Variants in PSD3 observed in about 807,000 individuals in gnomAD.
The protein encoded by PSD3 is PH and SEC7 domain-containing protein 3.
PSD3 carries 49 observed loss-of-function variants against 105.5 expected under a neutral mutation model. That is an observed-to-expected ratio of 0.46 (90% CI 0.37 to 0.59). The LOEUF is 0.59. Ranked by LOEUF, PSD3 falls within the 20% of genes least tolerant of loss-of-function variation. The pLI, the probability that PSD3 is intolerant of heterozygous loss-of-function variation, is 0.00. For missense variants in PSD3, 1,561 were observed against 1,263.8 expected (o/e 1.24, Z -3.57); for synonymous variants, 557 against 457.8 (o/e 1.22, Z -2.77).
chr8:18,561,016 G>A (rs996945713), intron 14 of PSD3, among the ~76,000 whole-genome samples: 11 of 152,242 alleles, frequency 7.2e-5, no homozygotes, highest in Middle Eastern at 3.4e-3. Flanking sequence ...GGAAAATCTG[G>A]AAAACTGTAA....
chr8:18,819,769 G>C (rs1215663096), intron 4 of PSD3, among the ~76,000 whole-genome samples: 1 of 151,940 alleles, frequency 6.6e-6, no homozygotes, highest in East Asian at 1.9e-4. Context: ...AGTAGAGATG[G>C]GGTTTCACCG....
chr8:18,787,027 T>C (rs1052112678), intron 8 of PSD3, among the ~76,000 whole-genome samples: 10 of 152,224 alleles, frequency 6.6e-5, no homozygotes, highest in African/African-American at 2.4e-4. Flanking sequence ...CTCCTTGTCA[T>C]GTACCAGGCT....
chr8:19,012,389 G>A (rs1382913796), intron 1 of PSD3, among the ~76,000 whole-genome samples: 2 of 152,178 alleles, frequency 1.3e-5, no homozygotes, highest in African/African-American at 4.8e-5. Flanking sequence ...AAACCTCTTG[G>A]TTTGTAAATA....
At chr8:18,740,112 A>G (rs1478867829) in intron 9 of PSD3, among the ~76,000 whole-genome samples, 1 of 152,182 alleles carries the variant, frequency 6.6e-6, no homozygotes, top group African/African-American at 2.4e-5. Context: ...GCTGCTGTCC[A>G]TGGAGCTGCT....
chr8:18,606,152 A>G (rs537790387), intron 11 of PSD3, among the ~76,000 whole-genome samples: 1 of 152,196 alleles, frequency 6.6e-6, no homozygotes, highest in Non-Finnish European at 1.5e-5. Flanking sequence ...TGTAGACATT[A>G]TAACTTTGAA....
chr8:18,805,343 G>A (rs1230365779), intron 4 of PSD3, among the ~76,000 whole-genome samples: 7 of 151,838 alleles, frequency 4.6e-5, no homozygotes, highest in Admixed American at 4.6e-4. Flanking sequence ...TTAACAGCTG[G>A]CTTACTACAA....
intron 9 of PSD3, among the ~76,000 whole-genome samples, chr8:18,687,960 G>T (rs534661723): frequency 2.0e-5 from 3 of 151,996 alleles, no homozygotes; most frequent in Non-Finnish European, 2.9e-5. Context: ...GTAAAGATGG[G>T]GTTTCGCCAT....
In PSD3 at chr8:18,655,671, T is replaced by C. The variant is rs761104410; in HGVS notation, c.2187A>G (p.Ser729=). 2 of 1,613,860 alleles carry C rather than the reference T, an allele frequency of 1.2e-6. No individual in the cohort carries two copies. Among genetic ancestry groups the C allele is most frequent in the Non-Finnish European group, 1.7e-6 (2 of 1,179,792 alleles). ...CCCATTCAAGCTTCTCATTCTTGAT[T>C]GAGTTGTACAGAGCCTGTAAAGAGA... ...SKDLLKALYN[S]IKNEKLEWAV... The change falls in exon 10 of 16, where the codon TCA becomes TCG. Residue 729 remains serine (S), a synonymous_variant. Transcript: ENST00000327040.
At chr8:18,729,577 G>A (rs1243974780) in intron 9 of PSD3, among the ~76,000 whole-genome samples, 3 of 152,156 alleles carry the variant, frequency 2.0e-5, no homozygotes, top group Non-Finnish European at 4.4e-5. Context: ...ACAAAAAAGG[G>A]TACAGTGCAG....
chr8:18,843,025 C>T (rs1032233994), intron 4 of PSD3, among the ~76,000 whole-genome samples: 4 of 152,092 alleles, frequency 2.6e-5, no homozygotes, highest in Non-Finnish European at 5.9e-5. Context: ...CAATATGCCA[C>T]TCAAAAAGGC....
At chr8:18,541,557 C>T (rs189979106) in intron 15 of PSD3, among the ~76,000 whole-genome samples, 6 of 152,250 alleles carry the variant, frequency 3.9e-5, no homozygotes, top group Admixed American at 3.9e-4. Context: ...CACCACATGA[C>T]AAAGGCTTGT....
chr8:18,978,779 C>G (rs1825091519), intron 1 of PSD3, among the ~76,000 whole-genome samples: 2 of 152,182 alleles, frequency 1.3e-5, no homozygotes, highest in African/African-American at 2.4e-5. Flanking sequence ...ACGTCTTTCT[C>G]TATCATCTTC....
At chr8:18,686,113 T>C (rs1165296046) in intron 9 of PSD3, among the ~76,000 whole-genome samples, 1 of 152,164 alleles carries the variant, frequency 6.6e-6, no homozygotes, top group Non-Finnish European at 1.5e-5. Context: ...ATGTCATTTC[T>C]GGGAGGTTTA....
At chr8:18,666,724 TG>T (rs1339897600) in intron 9 of PSD3, among the ~76,000 whole-genome samples, 6 of 136,418 alleles carry the variant, frequency 4.4e-5, no homozygotes, top group African/African-American at 1.7e-4. Flanking sequence ...TGCTTTTTTT[TG>T]GGGGGTGGGG....
At chr8:18,964,867 A>G (rs896754383) in intron 1 of PSD3, among the ~76,000 whole-genome samples, 1 of 152,190 alleles carries the variant, frequency 6.6e-6, no homozygotes, top group East Asian at 1.9e-4. Context: ...AACTATAATT[A>G]TTTGTGTGGC....
intron 9 of PSD3, among the ~76,000 whole-genome samples, chr8:18,752,591 T>TA (rs1563225700): frequency 1.2e-5 from 1 of 82,360 alleles, no homozygotes; most frequent in African/African-American, 6.6e-5. Flanking sequence ...ATATATTATA[T>TA]ATTATATATT....
At chr8:18,615,570 T>C (rs1291390680) in intron 11 of PSD3, among the ~76,000 whole-genome samples, 1 of 152,256 alleles carries the variant, frequency 6.6e-6, no homozygotes, top group East Asian at 1.9e-4. Context: ...ATATATAACA[T>C]TTGATAAGTT....
intron 1 of PSD3, among the ~76,000 whole-genome samples, chr8:18,972,598 T>C (rs1289702317): frequency 6.6e-6 from 1 of 152,212 alleles, no homozygotes; most frequent in African/African-American, 2.4e-5. Flanking sequence ...CCCAGTATGA[T>C]GGTATCTGGA....
chr8:18,879,051 A>ACACACACAC (rs1817919933), intron 2 of PSD3, among the ~76,000 whole-genome samples: 3 of 138,672 alleles, frequency 2.2e-5, no homozygotes, highest in South Asian at 2.4e-4. Flanking sequence ...CACACACACA[A>ACACACACAC]ACACACACAC....
Sources: allele counts gnomAD v4.1 joint callset (sites outside exome capture counted in the v4.1 genomes callset), GRCh38; gene constraint gnomAD v4.1.1; transcripts MANE v1.5; gene names NCBI Gene and HGNC (gene_info 2026-07-23, HGNC 2026-07-21).